The following EXOC3L4 variants were observed in gnomAD, a reference collection of about 807,000 sequenced individuals.
EXOC3L4 encodes exocyst complex component 3-like protein 4.
EXOC3L4 carries 62 observed loss-of-function variants against 69.7 expected under a neutral mutation model. The observed-to-expected ratio is 0.89, with a 90% CI of 0.72 to 1.10. EXOC3L4 has a LOEUF of 1.10. Ranked by LOEUF, EXOC3L4 falls within the 50% of genes least tolerant of loss-of-function variation. EXOC3L4 has a pLI of 0.00. For missense variants in EXOC3L4, 1,087 were observed against 1,034.8 expected, an observed-to-expected ratio of 1.05 and a Z score of -0.69; for synonymous variants, 502 against 464.2, an observed-to-expected ratio of 1.08 and a Z score of -1.05.
chr14:103,108,164 C>A (rs1210156870), intron 10 of EXOC3L4, among the ~76,000 whole-genome samples: 1 of 152,120 alleles, frequency 6.6e-6, no homozygotes, highest in Non-Finnish European at 1.5e-5. Flanking sequence ...CCTGTCCAAG[C>A]AGGATGGGAT....
chr14:103,105,368 G>T (rs1242038761), intron 7 of EXOC3L4, among the ~76,000 whole-genome samples: 2 of 151,884 alleles, frequency 1.3e-5, no homozygotes. Flanking sequence ...CTGTGTGTGT[G>T]TGTGTGTGTG....
At chr14:103,096,074 G>A (rs1373029048) in intron 1 of EXOC3L4, among the ~76,000 whole-genome samples, 6 of 152,158 alleles carry the variant, frequency 3.9e-5, no homozygotes, top group South Asian at 2.1e-4. Flanking sequence ...TTATAGGGCC[G>A]GGCATGGTGG....
intron 7 of EXOC3L4, 74 bp from the exon 8 acceptor site, chr14:103,106,711 A>C: frequency 1.2e-6 from 1 of 864,292 alleles, no homozygotes; most frequent in Non-Finnish European, 1.8e-6. Context: ...AAGTGAGTGG[A>C]GCTGTGTGCC....
Position 103,103,995 on chromosome 14 carries a change from G to T in EXOC3L4, c.1104G>T (p.Pro368=). The change falls in exon 4 of 12, where the codon CCG becomes CCT. Residue 368 remains proline, a synonymous_variant. Coordinates refer to ENST00000688303, the MANE Select transcript of EXOC3L4 (RefSeq NM_001077594.2). ...CGCTGCCCGCCGAGCCGCTGCCTCC[G>T]CTCCTGGCGCCGGACGTGTGGGCCC... is the stretch of plus-strand genomic sequence containing the variant. The part of the protein sequence containing the change: ...GLALPAEPLP[P]LLAPDVWARL... 2.5e-6 allele frequency: 4 copies of T among 1,574,942 alleles called. No homozygotes were observed. Among genetic ancestry groups the T allele is most frequent in the Non-Finnish European group, 3.4e-6 (4 of 1,165,908 alleles).
intron 1 of EXOC3L4, among the ~76,000 whole-genome samples, chr14:103,095,086 A>C (rs1388394902): frequency 6.6e-6 from 1 of 152,260 alleles, no homozygotes; most frequent in Non-Finnish European, 1.5e-5. Context: ...GCACAGACAC[A>C]GACTCAGAAG....
In EXOC3L4 at chr14:103,107,682, G is replaced by T; in HGVS notation, c.1753G>T (p.Ala585Ser). ...CGTGGTCCGCGAGTACCTGGCGCGG[G>T]CGCTGAGGCCACGGGAGCGGTTCCG... is the stretch of plus-strand genomic sequence containing the variant. ...RFVVREYLAR[A>S]LRPRERFRGM... The change falls in exon 10 of 12, where the codon GCG becomes TCG. Residue 585 changes from alanine (A) to serine (S), a missense_variant. By Grantham distance (99) the Ala-to-Ser change is moderately conservative. Coordinates refer to ENST00000688303, the MANE Select transcript of EXOC3L4 (RefSeq NM_001077594.2). 1 of 1,560,168 alleles carries T rather than the reference G, an allele frequency of 6.4e-7. No individual in the cohort carries two copies. Among genetic ancestry groups the T allele is most frequent in the Non-Finnish European group, 8.7e-7 (1 of 1,151,450 alleles).
chr14:103,102,622 C>A lies in EXOC3L4; in HGVS notation c.899C>A (p.Ala300Glu). Residue 300 changes from alanine (A) to glutamate (E), a missense_variant, in exon 3 of 12, where the codon GCG becomes GAG. Physicochemically the swap from Ala to Glu is moderately radical, Grantham distance 107. Coordinates refer to ENST00000688303, the MANE Select transcript of EXOC3L4 (RefSeq NM_001077594.2). ...AAGGTGCGGCAGGAGGTGCAGCCCG[C>A]GTATGCGGCGGCCGGCTTCCCAGCG... ...LQKVRQEVQP[A>E]YAAAGFPAWE... The A allele has an allele frequency of 1.3e-6, 2 of 1,498,862 alleles. No individual in the cohort carries two copies. The highest frequency in any genetic ancestry group is 1.8e-6 in the Non-Finnish European group (2 of 1,129,260). The allele number at this position is 1,498,862 out of a possible 1,614,324, so 92.8% of individuals were successfully genotyped here.
At chr14:103,103,354 CAAAAA>C (rs3070496) in intron 3 of EXOC3L4, among the ~76,000 whole-genome samples, 9 of 94,892 alleles carry the variant, frequency 9.5e-5, no homozygotes, top group Non-Finnish European at 1.5e-4. Flanking sequence ...GACTCTGTCT[CAAAAA>C]AAAAAAAAAA....
At chr14:103,105,677 G>T (rs1890506104) in intron 7 of EXOC3L4, among the ~76,000 whole-genome samples, 1 of 152,112 alleles carries the variant, frequency 6.6e-6, no homozygotes, top group African/African-American at 2.4e-5. Context: ...GCTGGGGTGA[G>T]GTCTGGGTCT....
intron 10 of EXOC3L4, 67 bp from the exon 11 acceptor site, chr14:103,108,329 C>CAAGA: frequency 1.3e-6 from 2 of 1,586,974 alleles, no homozygotes; most frequent in Non-Finnish European, 1.7e-6. Flanking sequence ...TGACCTCGCG[C>CAAGA]TCTTGCAGGA....
At chr14:103,107,910 G>A (rs1053790945) in intron 10 of EXOC3L4, 127 bp downstream of exon 10, 31 of 1,360,830 alleles carry the variant, frequency 2.3e-5, no homozygotes, top group Non-Finnish European at 3.0e-5. Flanking sequence ...AGGTGGAACA[G>A]GGACTGGGGC....
chr14:103,101,736 G>C (rs2139477641), intron 2 of EXOC3L4, among the ~76,000 whole-genome samples: 1 of 152,362 alleles, frequency 6.6e-6, no homozygotes, highest in South Asian at 2.1e-4. Context: ...GGAATGTAAA[G>C]CTGGACACGG....
chr14:103,109,829 C>T (rs1419465460), intron 11 of EXOC3L4, among the ~76,000 whole-genome samples: 9 of 150,896 alleles, frequency 6.0e-5, no homozygotes, highest in Non-Finnish European at 1.5e-5. Flanking sequence ...CCCTTCAAGC[C>T]CAGCTATGGT....
At position 103,110,315 on chromosome 14, in the gene EXOC3L4, C is replaced by A; in HGVS notation, c.*92C>A. 3 of 1,398,380 alleles carry A rather than the reference C, an allele frequency of 2.1e-6. No homozygotes were observed. The highest frequency in any genetic ancestry group is 2.5e-5 in the East Asian group (1 of 40,156). 86.6% of individuals were successfully genotyped at this position (1,398,380 alleles called of 1,614,324 possible). The stretch of plus-strand genomic sequence containing the variant: ...GCCCAGGGAGTCACTCTGGGCCCTG[C>A]CCCCAACTCTGACACTGCAGTTAGG... On this transcript the variant is annotated 3_prime_UTR_variant, in exon 12 of 12. Transcript: ENST00000688303.
chr14:103,106,800 C>T lies in EXOC3L4; in HGVS notation c.1482C>T (p.Ser494=). The T allele has an allele frequency of 1.9e-6, 3 of 1,585,720 alleles. No homozygotes were observed. The highest frequency in any genetic ancestry group is 1.1e-5 in the South Asian group (1 of 87,150). Residue 494 remains serine, a synonymous_variant, in exon 8 of 12, where the codon TCC becomes TCT. Transcript: ENST00000688303. The part of the protein sequence containing the change: ...ACEELRTSLL[S]RFPGTQEELE... ...CCCTCCCCAGGACCAGTCTTCTCTC[C>T]AGGTTCCCAGGAACCCAAGAGGAGC...
chr14:103,106,355 C>G (rs1366869982), intron 7 of EXOC3L4, among the ~76,000 whole-genome samples: 2 of 152,228 alleles, frequency 1.3e-5, no homozygotes, highest in Non-Finnish European at 2.9e-5. Flanking sequence ...AGCCTCTGGC[C>G]AAACCCTTGA....
At position 103,107,783 on chromosome 14, in the gene EXOC3L4, G is replaced by C; in HGVS notation, c.1854G>C (p.Leu618=). The change falls in exon 10 of 12, where the codon CTG becomes CTC. Residue 618 remains leucine, a splice_region_variant and synonymous_variant. Transcript: ENST00000688303. ...AQAISDTFQG[L]GSEATWLDQA... is the part of the protein sequence containing the mutation. The stretch of plus-strand genomic sequence containing the variant: ...CCATCAGCGACACCTTCCAGGGCCT[G>C]GTAGGGGCGGCATGACTGCCCTTCG... 2 of 1,514,618 alleles carry C rather than the reference G, an allele frequency of 1.3e-6. No homozygotes were observed. The highest frequency in any genetic ancestry group is 1.8e-6 in the Non-Finnish European group (2 of 1,124,678). 93.8% of individuals were successfully genotyped at this position (1,514,618 alleles called of 1,614,324 possible).
chr14:103,107,767 A>T lies in EXOC3L4; in HGVS notation c.1838A>T (p.Asp613Val), dbSNP rs1417795694. 1 of 1,531,484 alleles carries T rather than the reference A, an allele frequency of 6.5e-7. No individual in the cohort carries two copies. Among genetic ancestry groups the T allele is most frequent in the South Asian group, 1.2e-5 (1 of 82,018 alleles). The allele number at this position is 1,531,484 out of a possible 1,614,324, so 94.9% of individuals were successfully genotyped here. The change falls in exon 10 of 12, where the codon GAC (aspartate) becomes GTC (valine). Residue 613 changes from aspartate (D) to valine (V), a missense_variant. Transcript: ENST00000688303. Reference sequence around the variant, plus strand: ...AGCCTGGATGCCCAGGCCATCAGCGACACCTTCCAGGGCCTGGTAGGGGCG... The same window carrying T: ...AGCCTGGATGCCCAGGCCATCAGCGTCACCTTCCAGGGCCTGGTAGGGGCG... ...KMSLDAQAIS[D>V]TFQGLGSEAT...
At position 103,102,110 on chromosome 14, in the gene EXOC3L4, C is replaced by T. The variant is rs1466273550; in HGVS notation, c.395-8C>T. 8.8e-6 allele frequency: 14 copies of T among 1,597,594 alleles called. No individual in the cohort carries two copies. The highest frequency in any genetic ancestry group is 1.2e-5 in the Non-Finnish European group (14 of 1,172,630). On this transcript the variant is annotated splice_region_variant and splice_polypyrimidine_tract_variant and intron_variant, in intron 2 of 11. Coordinates refer to ENST00000688303, the MANE Select transcript of EXOC3L4 (RefSeq NM_001077594.2). ...CCCTCTCACCGCCCTTCTCGCCCGC[C>T]TGTGCAGAAGGCAAATCCGTGGCCG...
Sources: gnomAD v4.1 joint callset for allele counts (sites outside exome capture counted in the v4.1 genomes callset) on GRCh38, gnomAD v4.1.1 for gene constraint, MANE v1.5 for transcripts, NCBI Gene and HGNC (gene_info 2026-07-23, HGNC 2026-07-21) for gene names.